Variants in NMRK1 observed in about 807,000 individuals in gnomAD.
NMRK1 encodes nicotinamide riboside kinase 1.
A neutral mutation model predicts 29.9 loss-of-function variants in NMRK1; 28 were observed. That is an observed-to-expected ratio of 0.94 (90% CI 0.69 to 1.28). The LOEUF (loss-of-function observed/expected upper bound fraction) is 1.28. NMRK1 is among the 50% of genes most tolerant of loss of function. The pLI is 0.00. For synonymous variants in NMRK1, 58 were observed against 73.0 expected, an observed-to-expected ratio of 0.79 and a Z score of 1.05; for missense variants, 218 against 233.1, an observed-to-expected ratio of 0.94 and a Z score of 0.42.
At chr9:75,079,260 C>G (rs17703051) in intron 2 of NMRK1, among the ~76,000 whole-genome samples, 2 of 152,102 alleles carry the variant, frequency 1.3e-5, no homozygotes, top group South Asian at 2.1e-4. Flanking sequence ...TCTTTGAAAA[C>G]GATGAAAAGT....
intron 8 of NMRK1, 28 bp from the exon 9 acceptor site, chr9:75,061,595 A>G: frequency 6.4e-7 from 1 of 1,563,066 alleles, no homozygotes; most frequent in South Asian, 1.1e-5. Context: ...AAAGAAATTA[A>G]TGGAGAATTC....
At chr9:75,078,235 G>A in intron 2 of NMRK1, 2 of 1,517,518 alleles carry the variant, frequency 1.3e-6, no homozygotes, top group Non-Finnish European at 1.8e-6. Context: ...ACATTTTAGT[G>A]CAAGTGTATA....
At chr9:75,074,609 A>AC (rs1337735639) in intron 4 of NMRK1, among the ~76,000 whole-genome samples, 1 of 151,574 alleles carries the variant, frequency 6.6e-6, no homozygotes, top group African/African-American at 2.4e-5. Flanking sequence ...CTGGTCTTGA[A>AC]CCCCTTGGAC....
At chr9:75,066,603 C>G (rs1040569350) in intron 8 of NMRK1, among the ~76,000 whole-genome samples, 154 bp downstream of exon 8, 2 of 148,056 alleles carry the variant, frequency 1.4e-5, no homozygotes, top group South Asian at 2.1e-4. Context: ...AACCCCCCCC[C>G]AGAATTTCTG....
At chr9:75,065,620 G>T (rs1823294506) in intron 8 of NMRK1, among the ~76,000 whole-genome samples, 1 of 152,142 alleles carries the variant, frequency 6.6e-6, no homozygotes, top group African/African-American at 2.4e-5. Flanking sequence ...CAACTGGCCA[G>T]AGAAATTTTT....
chr9:75,074,001 T>C (rs1823846208), intron 4 of NMRK1, among the ~76,000 whole-genome samples: 1 of 152,230 alleles, frequency 6.6e-6, no homozygotes, highest in African/African-American at 2.4e-5. Flanking sequence ...GTTTCCATCA[T>C]GGATCTTTTT....
chr9:75,070,436 G>A (rs1271303620), intron 4 of NMRK1, among the ~76,000 whole-genome samples: 1 of 152,128 alleles, frequency 6.6e-6, no homozygotes, highest in Non-Finnish European at 1.5e-5. Context: ...CACATGGAGG[G>A]AAATATCTGT....
intron 2 of NMRK1, chr9:75,078,279 G>T: frequency 6.4e-7 from 1 of 1,550,986 alleles, no homozygotes. Context: ...TTTGCCTCAA[G>T]GCACAGTGGA....
At chr9:75,072,320 G>C (rs532539270) in intron 4 of NMRK1, among the ~76,000 whole-genome samples, 1 of 152,236 alleles carries the variant, frequency 6.6e-6, no homozygotes, top group Non-Finnish European at 1.5e-5. Context: ...ATTACGTCTA[G>C]GGTTTTTCAT....
chr9:75,068,029 G>A (rs1823466714), intron 7 of NMRK1, among the ~76,000 whole-genome samples: 1 of 152,024 alleles, frequency 6.6e-6, no homozygotes, highest in African/African-American at 2.4e-5. Flanking sequence ...TGTCTCCCAG[G>A]CACCTCAACC....
intron 8 of NMRK1, 151 bp from the exon 9 acceptor site, chr9:75,061,718 C>T (rs1004611608): frequency 7.9e-6 from 5 of 629,548 alleles, no homozygotes; most frequent in Non-Finnish European, 1.4e-5. Context: ...TAAATTGAGT[C>T]CAAGTCCCAT....
intron 8 of NMRK1, among the ~76,000 whole-genome samples, chr9:75,065,032 G>T (rs1823255910): frequency 6.6e-6 from 1 of 152,172 alleles, no homozygotes; most frequent in Non-Finnish European, 1.5e-5. Flanking sequence ...AAATAGGGCT[G>T]TCTGTCTCCC....
At chr9:75,081,297 A>C (rs908874150) in intron 2 of NMRK1, among the ~76,000 whole-genome samples, 1 of 152,194 alleles carries the variant, frequency 6.6e-6, no homozygotes, top group African/African-American at 2.4e-5. Context: ...CACTAAAATG[A>C]AACTGAGGCA....
intron 6 of NMRK1, 21 bp from the exon 7 acceptor site, chr9:75,069,123 C>G: frequency 1.3e-6 from 2 of 1,524,732 alleles, no homozygotes; most frequent in Non-Finnish European, 1.8e-6. Flanking sequence ...ACGTAGGAAA[C>G]TTTATGTTGA....
chr9:75,083,997 C>T (rs1824472116), intron 1 of NMRK1, among the ~76,000 whole-genome samples: 1 of 152,184 alleles, frequency 6.6e-6, no homozygotes, highest in African/African-American at 2.4e-5. Context: ...TGCAAATGTT[C>T]AGGCAGAGGG....
intron 4 of NMRK1, among the ~76,000 whole-genome samples, chr9:75,076,440 G>A (rs532865003): frequency 6.6e-6 from 1 of 152,112 alleles, no homozygotes; most frequent in Non-Finnish European, 1.5e-5. Flanking sequence ...AGGCAGGTGG[G>A]GGGGAATGAA....
At chr9:75,077,028 A>C (rs1391716127) in intron 4 of NMRK1, 131 bp downstream of exon 4, 2 of 621,222 alleles carry the variant, frequency 3.2e-6, no homozygotes, top group Non-Finnish European at 5.8e-6. Context: ...GACTGCCTTC[A>C]CAGATATAGT....
intron 7 of NMRK1, among the ~76,000 whole-genome samples, 160 bp downstream of exon 7, chr9:75,068,834 CAG>C (rs1226842885): frequency 6.6e-6 from 1 of 152,200 alleles, no homozygotes; most frequent in Non-Finnish European, 1.5e-5. Context: ...ACAAGAGCCA[CAG>C]AGAGAAACAG....
chr9:75,078,418 G>A lies in NMRK1; in HGVS notation c.30-838C>T. 4 of 1,550,368 alleles carry A rather than the reference G, an allele frequency of 2.6e-6. No individual in the cohort carries two copies. In the South Asian group the frequency reaches 4.8e-5, roughly 19 times the overall value. On this transcript the variant is annotated intron_variant, in intron 2 of 8. Coordinates refer to ENST00000361092, the MANE Select transcript of NMRK1 (RefSeq NM_017881.3). Reference sequence around the variant, plus strand: ...AGGTCTGCTGTAGCTTATCACAACAGGCCAGTTATTTGTCTCTTCTGACCG... The same window carrying A: ...AGGTCTGCTGTAGCTTATCACAACAAGCCAGTTATTTGTCTCTTCTGACCG...
Sources: gnomAD v4.1 joint callset for allele counts (sites outside exome capture counted in the v4.1 genomes callset) on GRCh38, gnomAD v4.1.1 for gene constraint, MANE v1.5 for transcripts, NCBI Gene and HGNC (gene_info 2026-07-23, HGNC 2026-07-21) for gene names.